Variants in EXD2 observed in about 807,000 individuals in gnomAD.
EXD2 encodes exonuclease 3'-5' domain containing 2, also known as exonuclease 3'-5' domain-containing protein 2.
In EXD2, 40 loss-of-function variants were observed where a neutral mutation model predicts 62.5. The observed-to-expected ratio is 0.64, with a 90% CI of 0.50 to 0.83. The LOEUF (loss-of-function observed/expected upper bound fraction) is 0.83, where lower values mean the gene tolerates loss of function less well. Among genes scored for constraint, EXD2 ranks in the 40% least tolerant of loss-of-function variants. The pLI is 0.00. For synonymous variants in EXD2, 239 were observed against 291.9 expected, an observed-to-expected ratio of 0.82 and a Z score of 1.85; for missense variants, 671 against 761.8, an observed-to-expected ratio of 0.88 and a Z score of 1.40.
At chr14:69,229,719 G>A (rs1291801144) in intron 4 of EXD2, among the ~76,000 whole-genome samples, 3 of 152,166 alleles carry the variant, frequency 2.0e-5, no homozygotes, top group Non-Finnish European at 4.4e-5. Flanking sequence ...TTTTTGGGGC[G>A]GGGAGTCGTA....
chr14:69,212,786 T>G (rs1443270295), intron 3 of EXD2, among the ~76,000 whole-genome samples: 3 of 148,702 alleles, frequency 2.0e-5, no homozygotes, highest in Non-Finnish European at 4.4e-5. Context: ...TGGCTCACTT[T>G]AGCCTTGACC....
At chr14:69,216,822 T>G (rs1412252906) in intron 3 of EXD2, among the ~76,000 whole-genome samples, 1 of 152,156 alleles carries the variant, frequency 6.6e-6, no homozygotes, top group Non-Finnish European at 1.5e-5. Flanking sequence ...TTACTTCACA[T>G]AGTTATCATT....
At chr14:69,202,972 C>A (rs2042458650) in intron 1 of EXD2, among the ~76,000 whole-genome samples, 1 of 152,196 alleles carries the variant, frequency 6.6e-6, no homozygotes, top group Non-Finnish European at 1.5e-5. Context: ...AAAAATGTAT[C>A]ATTTCATACA....
In EXD2 at chr14:69,241,472, C is replaced by T. The variant is rs2043982064; in HGVS notation, c.*372C>T. 4 of 256,714 alleles carry T rather than the reference C, an allele frequency of 1.6e-5. No individual in the cohort carries two copies. Among genetic ancestry groups the T allele is most frequent in the Non-Finnish European group, 2.2e-5 (3 of 135,230 alleles). 15.9% of individuals were successfully genotyped at this position (256,714 alleles called of 1,614,324 possible). A position where few individuals can be genotyped will look rare whatever the true frequency, so the allele number is the denominator to read the frequency against. On this transcript the variant is annotated 3_prime_UTR_variant, in exon 10 of 10. Transcript: ENST00000685843. ...TGCATTTCTTCCTTGTCTAGTGCCT[C>T]GGTTTATCTCTAACAGGGGCTGTCC...
chr14:69,204,952 GGACA>G (rs750304866), intron 2 of EXD2, among the ~76,000 whole-genome samples: 2 of 152,188 alleles, frequency 1.3e-5, no homozygotes, highest in African/African-American at 2.4e-5. Context: ...CTGTTCTCAT[GGACA>G]GACAATGAAT....
intron 4 of EXD2, among the ~76,000 whole-genome samples, chr14:69,230,204 A>G (rs2043520876): frequency 6.6e-6 from 1 of 152,162 alleles, no homozygotes; most frequent in Admixed American, 6.5e-5. Flanking sequence ...GCACAGTACT[A>G]AGCCTCTCTG....
At position 69,237,585 on chromosome 14, in the gene EXD2, A is replaced by C; in HGVS notation, c.1303A>C (p.Ile435Leu). The C allele has an allele frequency of 6.2e-7, 1 of 1,614,148 alleles. No homozygotes were observed. Among genetic ancestry groups the C allele is most frequent in the Non-Finnish European group, 8.5e-7 (1 of 1,180,006 alleles). Residue 435 changes from isoleucine (I) to leucine (L), a missense_variant, in exon 9 of 10, where the codon ATT (isoleucine) becomes CTT (leucine). Ile to Leu is a conservative substitution (Grantham distance 5). Coordinates refer to ENST00000685843, the MANE Select transcript of EXD2 (RefSeq NM_001193360.2). The part of the protein sequence containing the change: ...KRDSYIRKNV[I>L]PHEYRKHFPI... The stretch of plus-strand genomic sequence containing the variant: ...CTGGGCTTGTTCCAGGAAGAACGTG[A>C]TTCCACATGAGTACCGGAAGCACTT...
intron 3 of EXD2, among the ~76,000 whole-genome samples, chr14:69,213,084 CTTTTTTT>C (rs71102636): frequency 7.9e-6 from 1 of 126,606 alleles, no homozygotes; most frequent in African/African-American, 2.9e-5. Flanking sequence ...TTCTTCTTTT[CTTTTTTT>C]TTTTTTTTTG....
chr14:69,237,483 C>T, intron 8 of EXD2, 92 bp from the exon 9 acceptor site: 1 of 1,173,822 alleles, frequency 8.5e-7, no homozygotes, highest in Non-Finnish European at 1.3e-6. Flanking sequence ...CATGGTTAGG[C>T]CCCAGTTAGA....
At chr14:69,221,158 T>C (rs2140278498) in intron 3 of EXD2, among the ~76,000 whole-genome samples, 1 of 152,306 alleles carries the variant, frequency 6.6e-6, no homozygotes, top group African/African-American at 2.4e-5. Context: ...TGTGAGCCAC[T>C]GTGCTTGGCC....
chr14:69,205,510 C>A (rs1403492954), intron 2 of EXD2, among the ~76,000 whole-genome samples: 1 of 151,926 alleles, frequency 6.6e-6, no homozygotes, highest in Non-Finnish European at 1.5e-5. Flanking sequence ...TTTTTCATAT[C>A]TAGAATGTAT....
At chr14:69,214,222 G>A (rs2042918728) in intron 3 of EXD2, 1 of 152,032 alleles carries the variant, frequency 6.6e-6, no homozygotes, top group African/African-American at 2.4e-5. Flanking sequence ...TTCTCTTTGA[G>A]TTTATGGTTC....
At chr14:69,231,325 T>C (rs962934040) in intron 5 of EXD2, among the ~76,000 whole-genome samples, 14 of 152,124 alleles carry the variant, frequency 9.2e-5, no homozygotes, top group African/African-American at 3.4e-4. Flanking sequence ...ATTACATGCA[T>C]GCGTTATTCT....
chr14:69,230,546 C>G lies in EXD2; in HGVS notation c.665C>G (p.Ser222Cys). The change falls in exon 5 of 10, where the codon TCC becomes TGC. Residue 222 changes from serine (S) to cysteine (C), a missense_variant. Ser to Cys is a moderately radical substitution (Grantham distance 112). Transcript: ENST00000685843. ...GTTTTGAACTTTCCCCTTGACAAGTCCCTTCTACTTCGTTGCAGCAACTGG... is the reference window on the plus strand; with the variant it reads ...GTTTTGAACTTTCCCCTTGACAAGTGCCTTCTACTTCGTTGCAGCAACTGG... ...ETVLNFPLDK[S>C]LLLRCSNWDA... 1 of 1,613,990 alleles carries G rather than the reference C, an allele frequency of 6.2e-7. No homozygotes were observed. Among genetic ancestry groups the G allele is most frequent in the Non-Finnish European group, 8.5e-7 (1 of 1,179,896 alleles).
At chr14:69,226,963 C>T (rs2043386086) in intron 3 of EXD2, among the ~76,000 whole-genome samples, 1 of 152,122 alleles carries the variant, frequency 6.6e-6, no homozygotes, top group Non-Finnish European at 1.5e-5. Context: ...ATCCCTCCTA[C>T]TCCTCCTGTA....
At chr14:69,204,743 C>T (rs948757044) in intron 2 of EXD2, among the ~76,000 whole-genome samples, 2 of 151,990 alleles carry the variant, frequency 1.3e-5, no homozygotes, top group African/African-American at 4.8e-5. Flanking sequence ...CATCAAGGCT[C>T]GATAAGGTTA....
At chr14:69,225,213 C>T (rs1658835969) in intron 3 of EXD2, among the ~76,000 whole-genome samples, 1 of 152,202 alleles carries the variant, frequency 6.6e-6, no homozygotes, top group Non-Finnish European at 1.5e-5. Context: ...TAGGGGTGCT[C>T]ATTAGTTAAC....
chr14:69,191,888 C>T (rs1391793844), intron 1 of EXD2: 1 of 152,196 alleles, frequency 6.6e-6, no homozygotes, highest in Non-Finnish European at 1.5e-5. Context: ...TCCTTTCGAC[C>T]CCCTTACCCT....
intron 3 of EXD2, among the ~76,000 whole-genome samples, chr14:69,220,051 A>G (rs2043116522): frequency 6.6e-6 from 1 of 151,908 alleles, no homozygotes; most frequent in South Asian, 2.1e-4. Context: ...TGGTTGGTGA[A>G]TTTAATCAAA....
Sources: allele counts gnomAD v4.1 joint callset (sites outside exome capture counted in the v4.1 genomes callset), GRCh38; gene constraint gnomAD v4.1.1; transcripts MANE v1.5; gene names NCBI Gene and HGNC (gene_info 2026-07-23, HGNC 2026-07-21).